Variants in SMG1 observed in about 807,000 individuals in gnomAD.
SMG1 encodes SMG1 nonsense mediated mRNA decay associated PI3K related kinase.
SMG1 carries 22 observed loss-of-function variants against 419.9 expected under a neutral mutation model. The observed-to-expected ratio is 0.05, with a 90% CI of 0.04 to 0.07. SMG1 has a LOEUF of 0.07. Among genes scored for constraint, SMG1 ranks in the 10% least tolerant of loss-of-function variants. The pLI, the probability that SMG1 is intolerant of heterozygous loss-of-function variation, is 1.00. For synonymous variants in SMG1, 1,538 were observed against 1,553.5 expected (o/e 0.99, Z 0.23); for missense variants, 3,185 against 4,342.0 (o/e 0.73, Z 7.49).
chr16:18,920,551 C>T (rs1005089268), intron 1 of SMG1, among the ~76,000 whole-genome samples: 1 of 149,106 alleles, frequency 6.7e-6, no homozygotes, highest in Admixed American at 6.7e-5. Flanking sequence ...AAAAAATTAG[C>T]GTGCCAAGCA....
chr16:18,836,151 A>T lies in SMG1; in HGVS notation c.7839T>A (p.Ile2613=). The change falls in exon 48 of 63, where the codon ATT becomes ATA. Residue 2613 remains isoleucine (I), a synonymous_variant. Transcript: ENST00000446231. ...CCCCCTCCAGCTGCTCGCACTGGCT[A>T]ATCAAGTGGGCCTGACCAGCATTCT... is the stretch of plus-strand genomic sequence containing the variant. ...FLQNAGQAHL[I]SQCEQLEGEV... The T allele has an allele frequency of 6.2e-7, 1 of 1,611,392 alleles. No individual in the cohort carries two copies. Among genetic ancestry groups the T allele is most frequent in the East Asian group, 2.2e-5 (1 of 44,790 alleles).
intron 31 of SMG1, among the ~76,000 whole-genome samples, chr16:18,853,020 GTAAT>G (rs1480944610): frequency 6.6e-6 from 1 of 152,126 alleles, no homozygotes; most frequent in Non-Finnish European, 1.5e-5. Flanking sequence ...ACCAATGTAA[GTAAT>G]TAAACTCTTA....
chr16:18,861,849 A>G (rs1257091699), intron 25 of SMG1, among the ~76,000 whole-genome samples: 1 of 152,158 alleles, frequency 6.6e-6, no homozygotes, highest in African/African-American at 2.4e-5. Context: ...CCAATCCACC[A>G]TACACTGCCA....
chr16:18,819,754 G>A, intron 55 of SMG1, 100 bp from the exon 56 acceptor site: 2 of 1,180,294 alleles, frequency 1.7e-6, no homozygotes, highest in African/African-American at 1.6e-5. Flanking sequence ...AAAGAACCAG[G>A]GTGGACACAT....
At chr16:18,888,465 G>A (rs1034765703) in intron 6 of SMG1, among the ~76,000 whole-genome samples, 7 of 141,802 alleles carry the variant, frequency 4.9e-5, no homozygotes, top group African/African-American at 1.8e-4. Flanking sequence ...AAAAACCAAA[G>A]AGGAAAAAAA....
At chr16:18,920,026 G>A (rs1299934334) in intron 1 of SMG1, among the ~76,000 whole-genome samples, 1 of 151,966 alleles carries the variant, frequency 6.6e-6, no homozygotes, top group Non-Finnish European at 1.5e-5. Flanking sequence ...AGGAGGTGGA[G>A]GTTGTACTGA....
chr16:18,858,876 C>T lies in SMG1; in HGVS notation c.4113+146G>A, dbSNP rs1262564594. On this transcript the variant is annotated intron_variant, in intron 28 of 62. Coordinates refer to ENST00000446231, the MANE Select transcript of SMG1 (RefSeq NM_015092.5). The stretch of plus-strand genomic sequence containing the variant: ...CCCCATGTACTTCTCAAATGAAAAA[C>T]TGCCTGAAAACAGCATGTTAGATTT... The T allele has an allele frequency of 1.9e-5, 12 of 618,686 alleles. No individual in the cohort carries two copies. In the East Asian group the frequency reaches 3.7e-4, roughly 19 times the overall value. The allele number at this position is 618,686 out of a possible 1,614,324, so 38.3% of individuals were successfully genotyped here. A position where few individuals can be genotyped will look rare whatever the true frequency, so the allele number is the denominator to read the frequency against.
chr16:18,858,177 T>G lies in SMG1; in HGVS notation c.4227A>C (p.Lys1409Asn). Reference sequence around the variant, plus strand: ...GAAAAAAAAACCACTTACCTTTAATTTTCTCCAACAACTGATTCTGGTACA... The same window carrying G: ...GAAAAAAAAACCACTTACCTTTAATGTTCTCCAACAACTGATTCTGGTACA... ...YTMYQNQLLE[K>N]IKEQTVPIRS... is the part of the protein sequence containing the mutation. Residue 1409 changes from lysine (K) to asparagine (N), a missense_variant, in exon 29 of 63, where the codon AAA (lysine) becomes AAC (asparagine). Lys to Asn is a moderately conservative substitution (Grantham distance 94). Around this residue, in one of 27 missense-constraint regions of SMG1, gnomAD observed 493 missense variants for 552.9 expected, o/e 0.89. Transcript: ENST00000446231. 3 of 1,555,292 alleles carry G rather than the reference T, an allele frequency of 1.9e-6. No homozygotes were observed. The highest frequency in any genetic ancestry group is 2.6e-6 in the Non-Finnish European group (3 of 1,152,596).
intron 13 of SMG1, 114 bp from the exon 14 acceptor site, chr16:18,872,738 C>T (rs11074338): frequency 0.52 from 483,674 of 932,970 alleles, 128,510 homozygotes; most frequent in Middle Eastern, 0.57. Context: ...AAATTACAGA[C>T]TGCAAGGGAT....
chr16:18,833,721 G>A (rs940317997), intron 50 of SMG1, among the ~76,000 whole-genome samples: 5 of 152,120 alleles, frequency 3.3e-5, no homozygotes, highest in African/African-American at 1.2e-4. Context: ...ATTTCCTCCT[G>A]ACTTCTTAAT....
intron 26 of SMG1, among the ~76,000 whole-genome samples, chr16:18,859,908 C>T (rs573095650): frequency 5.3e-5 from 8 of 152,156 alleles, no homozygotes; most frequent in African/African-American, 1.7e-4. Flanking sequence ...AAAGCAGTTG[C>T]CTTCAAAGGC....
At position 18,829,940 on chromosome 16, in the gene SMG1, G is replaced by A; in HGVS notation, c.9119C>T (p.Ser3040Phe). The A allele has an allele frequency of 6.4e-7, 1 of 1,554,182 alleles. No homozygotes were observed. Among genetic ancestry groups the A allele is most frequent in the Non-Finnish European group, 8.7e-7 (1 of 1,153,410 alleles). Residue 3040 changes from serine to phenylalanine, a missense_variant, in exon 53 of 63, where the codon TCT becomes TTT. By Grantham distance (155) the Ser-to-Phe change is radical (BLOSUM62 -2). Transcript: ENST00000446231. ...TAGAATATTACCTGACAATGTTTTAGAAAAGGTACCACAGAGCCTGAAGAA... is the reference window on the plus strand; with the variant it reads ...TAGAATATTACCTGACAATGTTTTAAAAAAGGTACCACAGAGCCTGAAGAA... ...KEFFRLCGTF[S>F]KTLSGSSSLE...
At chr16:18,924,800 T>A (rs1359587293) in intron 1 of SMG1, 1 of 152,230 alleles carries the variant, frequency 6.6e-6, no homozygotes, top group African/African-American at 2.4e-5. Flanking sequence ...TACCACCTAT[T>A]AGCCAAAGAT....
intron 57 of SMG1, 67 bp downstream of exon 57, chr16:18,817,224 T>C: frequency 7.4e-7 from 1 of 1,343,466 alleles, no homozygotes; most frequent in Non-Finnish European, 1.0e-6. Flanking sequence ...GGAATGTATA[T>C]ATTAAATTGA....
Position 18,838,243 on chromosome 16 carries a change from G to T in SMG1, c.7195-11C>A. The stretch of plus-strand genomic sequence containing the variant: ...CATAATGTGTAAAACCTGTTTTCAG[G>T]AGAGTTTTTAAAATAAGGTCTGCCA... On this transcript the variant is annotated splice_polypyrimidine_tract_variant and intron_variant, in intron 44 of 62. Coordinates refer to ENST00000446231, the MANE Select transcript of SMG1 (RefSeq NM_015092.5). 1 of 1,609,246 alleles carries T rather than the reference G, an allele frequency of 6.2e-7. No homozygotes were observed. The highest frequency in any genetic ancestry group is 1.7e-5 in the Admixed American group (1 of 58,990).
At position 18,833,042 on chromosome 16, in the gene SMG1, C is replaced by A; in HGVS notation, c.8690G>T (p.Gly2897Val). 6.2e-7 allele frequency: 1 copy of A among 1,613,970 alleles called. No homozygotes were observed. Among genetic ancestry groups the A allele is most frequent in the Non-Finnish European group, 8.5e-7 (1 of 1,179,880 alleles). Residue 2897 changes from glycine to valine, a missense_variant, in exon 51 of 63, where the codon GGC becomes GTC. Transcript: ENST00000446231. ...TTCCACTAGAGTCTGCAGGGGAACGCCATCGGTGGTCTGCTCAATAAGACC... is the reference window on the plus strand; with the variant it reads ...TTCCACTAGAGTCTGCAGGGGAACGACATCGGTGGTCTGCTCAATAAGACC... ...LDGLIEQTTDGVPLQTLVESL... is the reference protein window; with the variant it reads ...LDGLIEQTTDVVPLQTLVESL...
chr16:18,863,875 A>G (rs1006802277), intron 24 of SMG1, 24 bp from the exon 25 acceptor site: 159 of 1,588,278 alleles, frequency 1.0e-4, no homozygotes, highest in Non-Finnish European at 1.2e-4. Context: ...ATAAAATAAG[A>G]AGAGAGAGAT....
chr16:18,860,860 C>T, intron 25 of SMG1, 84 bp from the exon 26 acceptor site: 2 of 663,892 alleles, frequency 3.0e-6, no homozygotes, highest in East Asian at 5.6e-5. Context: ...AGAACAAATC[C>T]TAGGAAGACA....
intron 6 of SMG1, 141 bp downstream of exon 6, chr16:18,889,229 AAG>A (rs2036776723): frequency 1.9e-6 from 1 of 527,094 alleles, no homozygotes; most frequent in African/African-American, 1.9e-5. Flanking sequence ...CAAACTGAGA[AAG>A]AGGAATTTTT....
Sources: allele counts gnomAD v4.1 joint callset (sites outside exome capture counted in the v4.1 genomes callset), GRCh38; gene constraint gnomAD v4.1.1; regional missense constraint gnomAD v4.1.1; transcripts MANE v1.5; gene names NCBI Gene and HGNC (gene_info 2026-07-23, HGNC 2026-07-21).